Variants in PRSS27 observed in about 807,000 individuals in gnomAD.
The protein encoded by PRSS27 is channel-activating protease 2.
A neutral mutation model predicts 32.0 loss-of-function variants in PRSS27; 25 were observed. The observed-to-expected ratio is 0.78, with a 90% CI of 0.57 to 1.09. PRSS27 has a LOEUF of 1.09. Ranked by LOEUF, PRSS27 falls within the 50% of genes least tolerant of loss-of-function variation. The probability of loss-of-function intolerance (pLI) is 0.00; values close to 1 mark genes in which losing one functional copy is unlikely to be tolerated. For synonymous variants in PRSS27, 178 were observed against 172.2 expected (o/e 1.03, Z -0.26); for missense variants, 401 against 394.9 (o/e 1.02, Z -0.13).
rs1406962151 is a variant in PRSS27, at chr16:2,715,843, G to T, written c.111C>A (p.Gly37=). 6.2e-6 allele frequency: 10 copies of T among 1,600,466 alleles called. No homozygotes were observed. The highest frequency in any genetic ancestry group is 1.1e-5 in the South Asian group (1 of 89,982). ...GRPRMLNRMV[G]GQDTQEGEWP... is the part of the protein sequence containing the mutation. Reference sequence around the variant, plus strand: ...ACTCGCCCTCCTGCGTGTCCTGCCCGCCCACCATTCGGTTCAGCATCCTGG... The same window carrying T: ...ACTCGCCCTCCTGCGTGTCCTGCCCTCCCACCATTCGGTTCAGCATCCTGG... Residue 37 remains glycine, a synonymous_variant, in exon 3 of 6, where the codon GGC becomes GGA. Transcript: ENST00000302641.
intron 1 of PRSS27, among the ~76,000 whole-genome samples, chr16:2,719,358 C>T (rs956213479): frequency 6.6e-6 from 1 of 152,176 alleles, no homozygotes; most frequent in Admixed American, 6.5e-5. Flanking sequence ...GGCTAAGCTG[C>T]AGCCTGGGAT....
chr16:2,716,835 A>G, intron 1 of PRSS27: 1 of 468,076 alleles, frequency 2.1e-6, no homozygotes, highest in South Asian at 3.0e-5. Flanking sequence ...CTCATCCTGG[A>G]AAGGGTCCTC....
intron 5 of PRSS27, 174 bp downstream of exon 5, chr16:2,713,354 TC>T (rs1480125988): frequency 1.4e-6 from 1 of 691,824 alleles, no homozygotes; most frequent in Non-Finnish European, 2.6e-6. Context: ...CTCCTTGGCC[TC>T]CCAAAGTGCT....
In PRSS27 at chr16:2,712,642, G is replaced by T. The variant is rs745462516; in HGVS notation, c.851C>A (p.Ala284Glu). The change falls in exon 6 of 6, where the codon GCG becomes GAG. Residue 284 changes from alanine to glutamate, a missense_variant. Transcript: ENST00000302641. This position sits in a 1 kb window ranked among gnomAD's most constrained non-coding sequence, Gnocchi z 4.6. ...RIIPKLQFQP[A>E]RLGGQK Reference sequence around the variant, plus strand: ...GTCTCACTTCTGGCCGCCCAACCTCGCTGGCTGGAACTGCAGTTTGGGGAT... The same window carrying T: ...GTCTCACTTCTGGCCGCCCAACCTCTCTGGCTGGAACTGCAGTTTGGGGAT... 7 of 1,591,062 alleles carry T rather than the reference G, an allele frequency of 4.4e-6. No individual in the cohort carries two copies. Among genetic ancestry groups the T allele is most frequent in the Non-Finnish European group, 5.1e-6 (6 of 1,168,488 alleles).
chr16:2,713,958 A>G, intron 4 of PRSS27, 107 bp downstream of exon 4: 1 of 1,227,038 alleles, frequency 8.1e-7, no homozygotes, highest in South Asian at 1.4e-5. Flanking sequence ...GACCGTGTGT[A>G]TGTATTAATA....
rs111495225 is a variant in PRSS27 at position 2,713,161 on chromosome 16, C to T, written c.679-347G>A. The T allele has an allele frequency of 4.7e-3, 2,212 of 467,112 alleles. 44 individuals are homozygous for T. The highest frequency in any genetic ancestry group is 0.04 in the African/African-American group (2,026 of 50,948). 28.9% of individuals were successfully genotyped at this position (467,112 alleles called of 1,614,324 possible). ...TGGCCCAGGCTGGAGTGCACTGGCG[C>T]GATCTCGGCTCACTGCAAGCTCCGC... On this transcript the variant is annotated intron_variant, in intron 5 of 5. Coordinates refer to ENST00000302641, the MANE Select transcript of PRSS27 (RefSeq NM_031948.5).
At chr16:2,718,936 G>C (rs1227612010) in intron 1 of PRSS27, among the ~76,000 whole-genome samples, 2 of 152,142 alleles carry the variant, frequency 1.3e-5, no homozygotes, top group Non-Finnish European at 2.9e-5. Flanking sequence ...CCCTGTGGGG[G>C]CTGGAAGCAA....
At chr16:2,715,030 T>G (rs1176835791) in intron 3 of PRSS27, 2 of 152,336 alleles carry the variant, frequency 1.3e-5, no homozygotes, top group African/African-American at 4.8e-5. Context: ...CCTCCCAAAG[T>G]GCTGGGATTA....
intron 1 of PRSS27, among the ~76,000 whole-genome samples, chr16:2,718,917 G>A (rs2067718643): frequency 6.6e-6 from 1 of 152,152 alleles, no homozygotes; most frequent in Non-Finnish European, 1.5e-5. Flanking sequence ...GAGCCCTTCA[G>A]GGTGGGCGCC....
intron 2 of PRSS27, 188 bp from the exon 3 acceptor site, chr16:2,716,068 C>G (rs1567200528): frequency 1.9e-6 from 1 of 523,410 alleles, no homozygotes; most frequent in South Asian, 3.0e-5. Context: ...AGCTGCCCCC[C>G]AAAGTCTCAC....
At position 2,716,482 on chromosome 16, in the gene PRSS27, A is replaced by G. The variant is rs572060696; in HGVS notation, c.73+18T>C. 4 of 1,602,724 alleles carry G rather than the reference A, an allele frequency of 2.5e-6. No individual in the cohort carries two copies. The highest frequency in any genetic ancestry group is 3.4e-6 in the Non-Finnish European group (4 of 1,176,204). On this transcript the variant is annotated intron_variant, in intron 2 of 5. Coordinates refer to ENST00000302641, the MANE Select transcript of PRSS27 (RefSeq NM_031948.5). ...AGCCGGCTCCTGTCCCTCCCACCCC[A>G]GGGCCCTGGGTGCTTACCTGTTGCT...
Position 2,713,990 on chromosome 16 carries a change from T to C in PRSS27, c.508+75A>G, listed in dbSNP as rs1369391956. On this transcript the variant is annotated intron_variant, in intron 4 of 5. Transcript: ENST00000302641. ...AATATAGCAACAGGAAGATTGTGGG[T>C]TCAGAGTGGTCCCCAAGCCGTCCTG... 6.2e-6 allele frequency: 9 copies of C among 1,458,878 alleles called. No homozygotes were observed. The African/African-American group carries it at 7.0e-5, about 11-fold the overall frequency. 90.4% of individuals were successfully genotyped at this position (1,458,878 alleles called of 1,614,324 possible).
chr16:2,713,705 AG>A lies in PRSS27; in HGVS notation c.509-8del, dbSNP rs753254262. 1 of 1,614,020 alleles carries A rather than the reference AG, an allele frequency of 6.2e-7. No individual in the cohort carries two copies. Among genetic ancestry groups the A allele is most frequent in the South Asian group, 1.1e-5 (1 of 91,070 alleles). On this transcript the variant is annotated splice_polypyrimidine_tract_variant and splice_region_variant and intron_variant, in intron 4 of 5. Coordinates refer to ENST00000302641, the MANE Select transcript of PRSS27 (RefSeq NM_031948.5). ...CGCGGTTCGGGCAGGAGGTCTGGAG[AG>A]GGGCGGAACAGCCCAGGGCTCAACG...
intron 5 of PRSS27, chr16:2,713,121 C>G (rs138250522): frequency 4.4e-6 from 2 of 453,080 alleles, no homozygotes; most frequent in African/African-American, 2.0e-5. Context: ...TTTATTGAGA[C>G]GGAGTCTTGC....
chr16:2,712,802 C>T lies in PRSS27; in HGVS notation c.691G>A (p.Gly231Ser), dbSNP rs771025868. 58 of 1,564,030 alleles carry T rather than the reference C, an allele frequency of 3.7e-5. No individual in the cohort carries two copies. The Admixed American group carries it at 8.6e-4, about 23-fold the overall frequency. Residue 231 changes from glycine (G) to serine (S), a missense_variant, in exon 6 of 6, where the codon GGC (glycine) becomes AGC (serine). Transcript: ENST00000302641. This position sits in a 1 kb window ranked among gnomAD's most constrained non-coding sequence, Gnocchi z 4.6. ...KKDACKGDSG[G>S]PLVCLVGQSW... is the part of the protein sequence containing the mutation. ...TGACCCACGAGGCACACCAGGGGGC[C>T]GCCCGAGTCGCCCTGCGGGGGACGC...
intron 1 of PRSS27, 33 bp downstream of exon 1, chr16:2,720,082 G>A (rs2067725992): frequency 6.4e-7 from 1 of 1,573,948 alleles, no homozygotes; most frequent in East Asian, 2.3e-5. Context: ...GTGGGGGACT[G>A]CACCACCAGG....
At chr16:2,713,394 G>A (rs556981462) in intron 5 of PRSS27, 135 bp downstream of exon 5, 171 of 950,940 alleles carry the variant, frequency 1.8e-4, no homozygotes, top group Admixed American at 2.9e-4. Context: ...CACCACACCC[G>A]GCCCTGGAAT....
In PRSS27 at chr16:2,714,535, C is replaced by A; in HGVS notation, c.237-199G>T. 1 of 630,594 alleles carries A rather than the reference C, an allele frequency of 1.6e-6. No individual in the cohort carries two copies. The highest frequency in any genetic ancestry group is 2.8e-5 in the East Asian group (1 of 36,290). 39.1% of individuals were successfully genotyped at this position (630,594 alleles called of 1,614,324 possible). A position where few individuals can be genotyped will look rare whatever the true frequency, so the allele number is the denominator to read the frequency against. On this transcript the variant is annotated intron_variant, in intron 3 of 5. Transcript: ENST00000302641. The surrounding 1 kb of genome is among the most constrained non-coding windows in gnomAD (Gnocchi z 4.7). Reference sequence around the variant, plus strand: ...CCAGACCGCCCGACTCAGATTTCCACCTCCACCCCTGGCCGCTGTGTGGCC... The same window carrying A: ...CCAGACCGCCCGACTCAGATTTCCAACTCCACCCCTGGCCGCTGTGTGGCC...
In PRSS27 at chr16:2,712,981, T is replaced by A; in HGVS notation, c.679-167A>T. 1 of 595,372 alleles carries A rather than the reference T, an allele frequency of 1.7e-6. No homozygotes were observed. Among genetic ancestry groups the A allele is most frequent in the Non-Finnish European group, 2.9e-6 (1 of 342,808 alleles). The allele number at this position is 595,372 out of a possible 1,614,324, so 36.9% of individuals were successfully genotyped here. A position where few individuals can be genotyped will look rare whatever the true frequency, so the allele number is the denominator to read the frequency against. ...CAGTCCGATTGTCTAAAGTGCCTAT[T>A]CTTTAGTGTCCCCAGATCAACTAGG... On this transcript the variant is annotated intron_variant, in intron 5 of 5. Transcript: ENST00000302641. This position sits in a 1 kb window ranked among gnomAD's most constrained non-coding sequence, Gnocchi z 4.6.
Sources: gnomAD v4.1 joint callset for allele counts (sites outside exome capture counted in the v4.1 genomes callset) on GRCh38, gnomAD v4.1.1 for gene constraint, Gnocchi (gnomAD v3.1) non-coding constraint, MANE v1.5 for transcripts, NCBI Gene and HGNC (gene_info 2026-07-23, HGNC 2026-07-21) for gene names.